The following ABCA12 variants were observed in gnomAD, a reference collection of about 807,000 sequenced individuals.
The protein encoded by ABCA12 is ATP binding cassette subfamily A member 12, also known as glucosylceramide transporter ABCA12.
A neutral mutation model predicts 293.5 loss-of-function variants in ABCA12; 156 were observed. That is an observed-to-expected ratio of 0.53 (90% CI 0.47 to 0.61). ABCA12 has a LOEUF of 0.61. Ranked by LOEUF, ABCA12 falls within the 20% of genes least tolerant of loss-of-function variation. The pLI is 0.00. For missense variants in ABCA12, 2,797 were observed against 3,090.2 expected (o/e 0.91, Z 2.25); for synonymous variants, 1,063 against 1,108.0 (o/e 0.96, Z 0.81).
chr2:215,129,920 G>A (rs149139467), intron 1 of ABCA12, among the ~76,000 whole-genome samples: 1 of 152,160 alleles, frequency 6.6e-6, no homozygotes, highest in East Asian at 1.9e-4. Flanking sequence ...TGAGAAATAG[G>A]GATCCAGTTT....
intron 5 of ABCA12, among the ~76,000 whole-genome samples, chr2:215,050,180 T>C (rs1395230811): frequency 6.6e-6 from 1 of 152,184 alleles, no homozygotes; most frequent in Non-Finnish European, 1.5e-5. Flanking sequence ...TCAGGTGTCC[T>C]AACTCTTCAT....
chr2:215,033,191 T>A (rs990151171), intron 8 of ABCA12, among the ~76,000 whole-genome samples: 1 of 152,194 alleles, frequency 6.6e-6, no homozygotes, highest in African/African-American at 2.4e-5. Context: ...ATGAATGGGA[T>A]GCCCAGAATA....
chr2:215,049,138 T>C (rs549958088), intron 6 of ABCA12, among the ~76,000 whole-genome samples: 1 of 152,270 alleles, frequency 6.6e-6, no homozygotes, highest in African/African-American at 2.4e-5. Flanking sequence ...ACCTGCAATA[T>C]GTGCCCCTGA....
At chr2:215,105,904 A>T (rs1702455221) in intron 2 of ABCA12, among the ~76,000 whole-genome samples, 1 of 152,180 alleles carries the variant, frequency 6.6e-6, no homozygotes, top group Admixed American at 6.5e-5. Flanking sequence ...AATGATGATG[A>T]ATTCTGAGCT....
chr2:215,082,444 G>A (rs1315377148), intron 2 of ABCA12, among the ~76,000 whole-genome samples: 7 of 151,970 alleles, frequency 4.6e-5, no homozygotes, highest in Non-Finnish European at 8.8e-5. Flanking sequence ...TTCAACCATA[G>A]GCTGTCTCTC....
chr2:214,995,421 G>A (rs1700011847), intron 23 of ABCA12, among the ~76,000 whole-genome samples: 1 of 152,158 alleles, frequency 6.6e-6, no homozygotes, highest in Non-Finnish European at 1.5e-5. Context: ...ATCTGCAAAT[G>A]TCCTTAGAAG....
At chr2:215,089,857 G>A (rs1484245491) in intron 2 of ABCA12, among the ~76,000 whole-genome samples, 2 of 152,116 alleles carry the variant, frequency 1.3e-5, no homozygotes, top group Non-Finnish European at 2.9e-5. Flanking sequence ...ACAAACAAGT[G>A]GTGTTCTTTG....
chr2:214,968,851 AT>A (rs748835358), intron 37 of ABCA12, 44 bp from the exon 38 acceptor site: 1 of 1,547,490 alleles, frequency 6.5e-7, no homozygotes, highest in Non-Finnish European at 8.9e-7. Flanking sequence ...AGTGGAGAAA[AT>A]CTTCTTAAAT....
rs747632110 is a variant in ABCA12, at chr2:215,097,199, T to G, written c.163+14398A>C. ...TCACGAAATTGTTCATTCTCTTCCT[T>G]TCCTTACAAAACTCCCCACTCTTCT... On this transcript the variant is annotated intron_variant, in intron 2 of 52. Coordinates refer to ENST00000272895, the MANE Select transcript of ABCA12 (RefSeq NM_173076.3). Among the ~76,000 whole-genome samples the G allele has an allele frequency of 5.3e-4, 80 of 152,092 alleles. 1 individual carries two copies. Among genetic ancestry groups the G allele is most frequent in the Non-Finnish European group, 9.9e-4 (67 of 67,998 alleles).
At chr2:215,010,289 A>G (rs1393689920) in intron 18 of ABCA12, 42 bp downstream of exon 18, 2 of 1,610,874 alleles carry the variant, frequency 1.2e-6, no homozygotes, top group African/African-American at 2.7e-5. Context: ...TTTAAAAAAC[A>G]TCTTAATAGT....
intron 37 of ABCA12, 58 bp from the exon 38 acceptor site, chr2:214,968,865 A>G: frequency 1.3e-6 from 2 of 1,495,516 alleles, no homozygotes; most frequent in South Asian, 2.3e-5. Flanking sequence ...TCTTAAATAG[A>G]TCTAAAATAC....
At chr2:215,133,509 T>C (rs1703110022) in intron 1 of ABCA12, among the ~76,000 whole-genome samples, 1 of 152,084 alleles carries the variant, frequency 6.6e-6, no homozygotes. Context: ...GCAATCTCTT[T>C]GCTGTCCCAG....
intron 36 of ABCA12, among the ~76,000 whole-genome samples, chr2:214,972,220 T>C (rs1249770718): frequency 6.6e-6 from 1 of 152,198 alleles, no homozygotes; most frequent in African/African-American, 2.4e-5. Flanking sequence ...TTTTGATGTA[T>C]ATACAGTATA....
intron 33 of ABCA12, 91 bp from the exon 34 acceptor site, chr2:214,976,128 A>G: frequency 7.3e-6 from 11 of 1,515,150 alleles, no homozygotes; most frequent in South Asian, 1.2e-5. Context: ...GGTATAATAC[A>G]CTGTGGTGGG....
chr2:215,001,138 A>C (rs1467061632), intron 21 of ABCA12, 118 bp from the exon 22 acceptor site: 8 of 948,978 alleles, frequency 8.4e-6, no homozygotes, highest in African/African-American at 1.7e-5. Context: ...ATGTGACAGT[A>C]GGTTCAGGTT....
At chr2:215,040,076 C>G (rs1190543394) in intron 7 of ABCA12, among the ~76,000 whole-genome samples, 1 of 152,028 alleles carries the variant, frequency 6.6e-6, no homozygotes, top group Non-Finnish European at 1.5e-5. Flanking sequence ...AACCAAGTAT[C>G]AGTTTTTAAA....
chr2:215,096,351 C>A (rs950571349), intron 2 of ABCA12, among the ~76,000 whole-genome samples: 1 of 152,174 alleles, frequency 6.6e-6, no homozygotes, highest in Admixed American at 6.5e-5. Flanking sequence ...GTACCCTGAT[C>A]AAAGGCCCAG....
Position 214,934,140 on chromosome 2 carries a change from C to CCAG in ABCA12, c.7615_7617dup (p.Leu2539dup). On this transcript the variant is annotated inframe_insertion, in exon 52 of 53. Transcript: ENST00000272895. ...ATATTTAAAGCAGTCTTGTTGGTTT[C>CCAG]CAGCAGATCAAAAATGTTTGCGACT... The CCAG allele has an allele frequency of 6.2e-7, 1 of 1,613,734 alleles. No homozygotes were observed. Among genetic ancestry groups the CCAG allele is most frequent in the Non-Finnish European group, 8.5e-7 (1 of 1,179,798 alleles).
intron 1 of ABCA12, among the ~76,000 whole-genome samples, chr2:215,117,492 A>G (rs542954821): frequency 6.6e-6 from 1 of 152,352 alleles, no homozygotes; most frequent in South Asian, 2.1e-4. Flanking sequence ...AAATTGAATT[A>G]TCTAGTAATA....
Sources: allele counts gnomAD v4.1 joint callset (sites outside exome capture counted in the v4.1 genomes callset), GRCh38; gene constraint gnomAD v4.1.1; transcripts MANE v1.5; gene names NCBI Gene and HGNC (gene_info 2026-07-23, HGNC 2026-07-21).